Variants in TAB1 observed in about 807,000 individuals in gnomAD.
TAB1 encodes the protein TGF-beta activated kinase 1 (MAP3K7) binding protein 1, also known as TGF-beta-activated kinase 1 and MAP3K7-binding protein 1.
A neutral mutation model predicts 54.5 loss-of-function variants in TAB1; 30 were observed. The ratio of observed to expected loss-of-function variants is 0.55; its 90% CI spans 0.41 to 0.75. The LOEUF (loss-of-function observed/expected upper bound fraction) is 0.75, where lower values mean the gene tolerates loss of function less well. Ranked by LOEUF, TAB1 falls within the 30% of genes least tolerant of loss-of-function variation. TAB1 has a pLI of 0.00. For synonymous variants in TAB1, 289 were observed against 286.9 expected (o/e 1.01, Z -0.07); for missense variants, 609 against 683.2 (o/e 0.89, Z 1.21).
chr22:39,436,593 G>A (rs756598994), downstream of TAB1: 5 of 1,577,182 alleles, frequency 3.2e-6, no homozygotes, highest in South Asian at 1.1e-5. Flanking sequence ...CTACACCAAG[G>A]GGCCCTCTGG....
rs180967246 is a variant in TAB1 at position 39,415,375 on chromosome 22, G to A, written c.171-125G>A. On this transcript the variant is annotated intron_variant, in intron 2 of 10. Transcript: ENST00000216160. The surrounding 1 kb of genome is among the most constrained non-coding windows in gnomAD (Gnocchi z 4.9). ...AGTGAAATGATGGCTAAAGCAGGGG[G>A]ACCCAGGAGGGCCCCTGAAGCTGCA... The A allele has an allele frequency of 9.2e-4, 1,135 of 1,228,382 alleles. 11 individuals are homozygous for A. The African/African-American group carries it at 0.016, about 17-fold the overall frequency. 76.1% of individuals were successfully genotyped at this position (1,228,382 alleles called of 1,614,324 possible).
At chr22:39,406,538 A>T (rs1280228328) in intron 1 of TAB1, among the ~76,000 whole-genome samples, 1 of 152,156 alleles carries the variant, frequency 6.6e-6, no homozygotes. Flanking sequence ...GATAGGACTT[A>T]AAAAGACAGA....
At chr22:39,427,126 A>G (rs1927385009) in intron 9 of TAB1, among the ~76,000 whole-genome samples, 1 of 152,188 alleles carries the variant, frequency 6.6e-6, no homozygotes, top group Admixed American at 6.5e-5. Context: ...TGAGGTTAAT[A>G]CCACCTGCCC....
Position 39,428,008 on chromosome 22 carries a change from C to A in TAB1, c.1145-13C>A. 6.4e-7 allele frequency: 1 copy of A among 1,572,458 alleles called. No individual in the cohort carries two copies. The highest frequency in any genetic ancestry group is 8.7e-7 in the Non-Finnish European group (1 of 1,150,722). ...AGCTGCTGCCTGAGGCCCCCACTCT[C>A]TTCCTCCCAAAGCTGCAGGAGGACG... is the stretch of plus-strand genomic sequence containing the variant. On this transcript the variant is annotated splice_polypyrimidine_tract_variant and intron_variant, in intron 9 of 10. Transcript: ENST00000216160.
chr22:39,417,209 C>T (rs940720908), intron 4 of TAB1, among the ~76,000 whole-genome samples: 74 of 152,368 alleles, frequency 4.9e-4, no homozygotes, highest in African/African-American at 7.2e-5. Context: ...GCTGTGAGTT[C>T]GGTCATCTCC....
At chr22:39,418,366 T>C (rs1163575631) in intron 5 of TAB1, among the ~76,000 whole-genome samples, 2 of 152,176 alleles carry the variant, frequency 1.3e-5, no homozygotes, top group African/African-American at 4.8e-5. Flanking sequence ...TGAACATTCA[T>C]GCGCCCATCC....
chr22:39,432,595 A>G (rs117502506), downstream of TAB1: 2,636 of 281,300 alleles, frequency 9.4e-3, 32 homozygotes, highest in Middle Eastern at 0.013. Context: ...CCTGAGGACC[A>G]CCATGGCCCC....
rs760329335 is a variant in TAB1, at chr22:39,416,918, C to A, written c.411+41C>A. ...GACACCCAGGGGAGTCAAGTCCAGG[C>A]CCAGCTTTGCAAGGAGCATGGACTC... On this transcript the variant is annotated intron_variant, in intron 4 of 10. Coordinates refer to ENST00000216160, the MANE Select transcript of TAB1 (RefSeq NM_006116.3). 6.3e-6 allele frequency: 10 copies of A among 1,593,306 alleles called. No individual in the cohort carries two copies. The East Asian group carries it at 1.6e-4, about 25-fold the overall frequency.
chr22:39,414,860 CA>C (rs1430763825), intron 1 of TAB1, 145 bp from the exon 2 acceptor site: 2 of 847,924 alleles, frequency 2.4e-6, no homozygotes, highest in Non-Finnish European at 3.6e-6. Flanking sequence ...TCTGTTCATA[CA>C]AACATTATTG....
chr22:39,425,838 G>A (rs556335179), intron 8 of TAB1, among the ~76,000 whole-genome samples: 10 of 151,248 alleles, frequency 6.6e-5, no homozygotes, highest in South Asian at 4.2e-4. Flanking sequence ...GAGCCACCAC[G>A]CCCGGCCAAA....
At chr22:39,424,414 C>T (rs1039050752) in intron 8 of TAB1, among the ~76,000 whole-genome samples, 1 of 151,358 alleles carries the variant, frequency 6.6e-6, no homozygotes, top group African/African-American at 2.4e-5. Context: ...GCCTAACTAT[C>T]CCCTGTTCCC....
At chr22:39,429,950 C>A in intron 10 of TAB1, 65 bp from the exon 11 acceptor site, 1 of 1,597,746 alleles carries the variant, frequency 6.3e-7, no homozygotes, top group Non-Finnish European at 8.5e-7. Flanking sequence ...CATTCTGTCC[C>A]CACTCTGCCC....
At chr22:39,436,478 C>T (rs750495313), downstream of TAB1, 10 of 1,610,368 alleles carry the variant, frequency 6.2e-6, no homozygotes, top group South Asian at 1.1e-5. Context: ...GAAGTTTCCT[C>T]CTGATTTTCA....
At position 39,414,867 on chromosome 22, in the gene TAB1, T is replaced by C. The variant is rs1926754500; in HGVS notation, c.34-139T>C. On this transcript the variant is annotated intron_variant, in intron 1 of 10. Coordinates refer to ENST00000216160, the MANE Select transcript of TAB1 (RefSeq NM_006116.3). ...TGCAGGTGTCTGTTCATACAAACAT[T>C]ATTGTTTTCCAGAAGGAAGTGGAAC... 32 of 886,448 alleles carry C rather than the reference T, an allele frequency of 3.6e-5. No homozygotes were observed. In the South Asian group the frequency reaches 5.4e-4, roughly 15 times the overall value. The allele number at this position is 886,448 out of a possible 1,614,324, so 54.9% of individuals were successfully genotyped here.
At chr22:39,410,688 A>ATT (rs1323641359) in intron 1 of TAB1, among the ~76,000 whole-genome samples, 4 of 152,080 alleles carry the variant, frequency 2.6e-5, no homozygotes, top group Non-Finnish European at 5.9e-5. Flanking sequence ...TAAATAAATA[A>ATT]AAGTCACCCA....
chr22:39,421,891 G>T lies in TAB1; in HGVS notation c.841G>T (p.Val281Leu), dbSNP rs1266003837. 1.2e-6 allele frequency: 2 copies of T among 1,613,816 alleles called. No homozygotes were observed. The highest frequency in any genetic ancestry group is 3.3e-5 in the Admixed American group (2 of 59,950). ...CCATGGGGCACAGCCGCTGGATGGG[G>T]TGACGGGCTTCTTGGTGCTGATGTC... ...EIHGAQPLDG[V>L]TGFLVLMSEG... The change falls in exon 8 of 11, where the codon GTG (valine) becomes TTG (leucine). Residue 281 changes from valine (V) to leucine (L), a missense_variant. Val to Leu is a conservative substitution (Grantham distance 32). Transcript: ENST00000216160.
intron 10 of TAB1, chr22:39,429,064 T>C: frequency 1.0e-6 from 1 of 985,442 alleles, no homozygotes. Flanking sequence ...GTGTGAGCGC[T>C]GTGGCCCTAG....
chr22:39,429,466 T>C lies in TAB1; in HGVS notation c.1308-549T>C, dbSNP rs545523556. On this transcript the variant is annotated intron_variant, in intron 10 of 10. Transcript: ENST00000216160. ...ACTTGTGGCTATTAGACGCTTGAAC[T>C]GAGTGTTCCATTTTCTTTCCATTTT... 1.2e-5 allele frequency: 8 copies of C among 667,892 alleles called. No individual in the cohort carries two copies. The South Asian group carries it at 4.7e-4, about 39-fold the overall frequency. 41.4% of individuals were successfully genotyped at this position (667,892 alleles called of 1,614,324 possible).
Position 39,399,854 on chromosome 22 carries a change from C to T in TAB1, c.33+19C>T, listed in dbSNP as rs778181849. ...GCAGAGTGTGAGGAACAGGCCCGCT[C>T]TCTGGGCTTGGGGTTGGGAGCCTGG... On this transcript the variant is annotated intron_variant, in intron 1 of 10. Transcript: ENST00000216160. 54 of 1,590,564 alleles carry T rather than the reference C, an allele frequency of 3.4e-5. No individual in the cohort carries two copies. The highest frequency in any genetic ancestry group is 1.7e-4 in the Middle Eastern group (1 of 6,030).
Sources: allele counts gnomAD v4.1 joint callset (sites outside exome capture counted in the v4.1 genomes callset), GRCh38; gene constraint gnomAD v4.1.1; non-coding constraint Gnocchi (gnomAD v3.1); transcripts MANE v1.5; gene names NCBI Gene and HGNC (gene_info 2026-07-23, HGNC 2026-07-21).